The following USP32 variants were observed in gnomAD, a reference collection of about 807,000 sequenced individuals.
USP32 encodes ubiquitin carboxyl-terminal hydrolase 32.
USP32 carries 59 observed loss-of-function variants against 204.8 expected under a neutral mutation model. The ratio of observed to expected loss-of-function variants is 0.29; its 90% confidence interval spans 0.23 to 0.36. The LOEUF is 0.36. Ranked by LOEUF, USP32 falls within the 10% of genes least tolerant of loss-of-function variation. The pLI is 1.00. For synonymous variants in USP32, 517 were observed against 678.4 expected (o/e 0.76, Z 3.70); for missense variants, 1,160 against 1,946.4 (o/e 0.60, Z 7.60).
At chr17:60,392,575 A>G, upstream of USP32, 1 of 436,184 alleles carries the variant, frequency 2.3e-6, no homozygotes. Flanking sequence ...CCTAACATGG[A>G]AGACCGCAGA....
Position 60,179,228 on chromosome 17 carries a change from A to C in USP32, c.*27T>G, listed in dbSNP as rs767715730. 2 of 1,602,086 alleles carry C rather than the reference A, an allele frequency of 1.2e-6. No individual in the cohort carries two copies. Among genetic ancestry groups the C allele is most frequent in the South Asian group, 2.2e-5 (2 of 90,110 alleles). The stretch of plus-strand genomic sequence containing the variant: ...CAAGGAGTCATCTCCCTCACCGCCA[A>C]GCTGTCTAGCAGCCAGAGTGGTAGC... On this transcript the variant is annotated 3_prime_UTR_variant, in exon 34 of 34. Transcript: ENST00000300896.
intron 5 of USP32, among the ~76,000 whole-genome samples, chr17:60,282,296 C>T (rs1276963567): frequency 6.6e-6 from 1 of 152,208 alleles, no homozygotes; most frequent in East Asian, 1.9e-4. Context: ...AACTTTGCAA[C>T]TTTCAACAGT....
At chr17:60,271,515 C>T in intron 5 of USP32, 34 bp from the exon 6 acceptor site, 1 of 1,605,764 alleles carries the variant, frequency 6.2e-7, no homozygotes, top group Middle Eastern at 1.7e-4. Context: ...TATAAAACCT[C>T]AGAATTCTCT....
Position 60,192,830 on chromosome 17 carries a change from G to C in USP32, c.3521+14C>G. ...GAAATTCTACTAAAGTAATTCTTTT[G>C]CAGGTCACTTTACCTATACCATGGG... On this transcript the variant is annotated intron_variant, in intron 28 of 33. Coordinates refer to ENST00000300896, the MANE Select transcript of USP32 (RefSeq NM_032582.4). The C allele has an allele frequency of 1.2e-6, 2 of 1,612,064 alleles. No homozygotes were observed. The highest frequency in any genetic ancestry group is 1.7e-6 in the Non-Finnish European group (2 of 1,178,196).
chr17:60,199,595 G>A (rs943862300), intron 26 of USP32, among the ~76,000 whole-genome samples: 21 of 152,138 alleles, frequency 1.4e-4, no homozygotes, highest in African/African-American at 4.8e-4. Flanking sequence ...CAACTCACTA[G>A]GGGTTAAGTT....
chr17:60,331,970 C>T (rs1325553981), intron 2 of USP32, among the ~76,000 whole-genome samples: 2 of 151,618 alleles, frequency 1.3e-5, no homozygotes, highest in Non-Finnish European at 2.9e-5. Flanking sequence ...AGGTCAGGCA[C>T]AGTGGCTCAC....
At chr17:60,294,899 T>C (rs1381898364) in intron 3 of USP32, 98 bp from the exon 4 acceptor site, 4 of 696,042 alleles carry the variant, frequency 5.7e-6, no homozygotes, top group Non-Finnish European at 9.8e-6. Flanking sequence ...AACTGAGTGA[T>C]TACTAGGGCC....
chr17:60,227,577 C>A (rs1310036822), intron 12 of USP32, among the ~76,000 whole-genome samples: 1 of 147,496 alleles, frequency 6.8e-6, no homozygotes, highest in Admixed American at 6.7e-5. Flanking sequence ...TTCAGTTTTT[C>A]TTTTCTTTTT....
chr17:60,247,779 G>T lies in USP32; in HGVS notation c.1136+4602C>A, dbSNP rs150821486. 9.5e-3 allele frequency among the ~76,000 whole-genome samples: 1,437 copies of T among 151,754 alleles called. 31 individuals carry two copies. Among genetic ancestry groups the T allele is most frequent in the African/African-American group, 0.033 (1,380 of 41,396 alleles). ...GCTCATTGCAACCTCCACCTCCCCAGTTCAAGCGATTCTCCTGCCTCAGCC... is the reference window on the plus strand; with the variant it reads ...GCTCATTGCAACCTCCACCTCCCCATTTCAAGCGATTCTCCTGCCTCAGCC... On this transcript the variant is annotated intron_variant, in intron 11 of 33. Coordinates refer to ENST00000300896, the MANE Select transcript of USP32 (RefSeq NM_032582.4).
intron 12 of USP32, among the ~76,000 whole-genome samples, chr17:60,228,955 C>A (rs1025679353): frequency 6.6e-6 from 1 of 151,962 alleles, no homozygotes; most frequent in East Asian, 1.9e-4. Flanking sequence ...GTGTGAGCCA[C>A]CTCACCTGGT....
At chr17:60,298,257 T>C (rs1260626878) in intron 3 of USP32, among the ~76,000 whole-genome samples, 1 of 152,202 alleles carries the variant, frequency 6.6e-6, no homozygotes, top group East Asian at 1.9e-4. Flanking sequence ...GGCCAACCTC[T>C]TCAGCATAAA....
At chr17:60,347,500 C>T (rs1053405173) in intron 1 of USP32, among the ~76,000 whole-genome samples, 2 of 151,564 alleles carry the variant, frequency 1.3e-5, no homozygotes, top group African/African-American at 4.8e-5. Flanking sequence ...ACTACAGGCG[C>T]CCGCCACCAC....
chr17:60,263,425 C>A (rs899579692), intron 9 of USP32, among the ~76,000 whole-genome samples: 2 of 152,190 alleles, frequency 1.3e-5, no homozygotes, highest in Non-Finnish European at 2.9e-5. Flanking sequence ...AATGTTGGTA[C>A]AATCTAGTCA....
At chr17:60,354,243 T>C (rs969910584) in intron 1 of USP32, among the ~76,000 whole-genome samples, 2 of 152,190 alleles carry the variant, frequency 1.3e-5, no homozygotes, top group Non-Finnish European at 2.9e-5. Context: ...TCTCTCCAAG[T>C]ATATTTTAAG....
intron 9 of USP32, among the ~76,000 whole-genome samples, chr17:60,263,983 C>T (rs2086520999): frequency 1.3e-5 from 2 of 152,046 alleles, no homozygotes; most frequent in Non-Finnish European, 2.9e-5. Context: ...AGAAAGACTC[C>T]AATTTATGCA....
At chr17:60,309,609 TAAAG>T (rs1396252700) in intron 2 of USP32, among the ~76,000 whole-genome samples, 1 of 151,752 alleles carries the variant, frequency 6.6e-6, no homozygotes, top group Non-Finnish European at 1.5e-5. Context: ...CTAAAAAAAA[TAAAG>T]AAATGGGCAA....
At chr17:60,379,627 G>A (rs2089612389) in intron 1 of USP32, among the ~76,000 whole-genome samples, 3 of 152,230 alleles carry the variant, frequency 2.0e-5, no homozygotes, top group African/African-American at 7.2e-5. Flanking sequence ...CTAACACATA[G>A]AGAACTTCTG....
chr17:60,360,028 T>A (rs1380855143), intron 1 of USP32, among the ~76,000 whole-genome samples: 1 of 151,876 alleles, frequency 6.6e-6, no homozygotes, highest in East Asian at 1.9e-4. Flanking sequence ...CCACCACACC[T>A]GGCTAATTTT....
chr17:60,323,896 C>G (rs2088170100), intron 2 of USP32, among the ~76,000 whole-genome samples: 1 of 152,182 alleles, frequency 6.6e-6, no homozygotes, highest in African/African-American at 2.4e-5. Context: ...TTAAGAAATT[C>G]TTCTTCAAAG....
Sources: gnomAD v4.1 joint callset for allele counts (sites outside exome capture counted in the v4.1 genomes callset) on GRCh38, gnomAD v4.1.1 for gene constraint, MANE v1.5 for transcripts, NCBI Gene and HGNC (gene_info 2026-07-23, HGNC 2026-07-21) for gene names.